The following LRPPRC variants were observed in gnomAD, a reference collection of about 807,000 sequenced individuals.
LRPPRC encodes the protein leucine rich pentatricopeptide repeat containing.
In LRPPRC, 120 loss-of-function variants were observed where a neutral mutation model predicts 180.3. That is an observed-to-expected ratio of 0.67 (90% CI 0.57 to 0.77). LRPPRC has a LOEUF of 0.77. Ranked by LOEUF, LRPPRC falls within the 30% of genes least tolerant of loss-of-function variation. LRPPRC has a pLI of 0.00. For missense variants in LRPPRC, 2,012 were observed against 1,657.2 expected, an observed-to-expected ratio of 1.21 and a Z score of -3.72; for synonymous variants, 723 against 600.0, an observed-to-expected ratio of 1.21 and a Z score of -3.00.
intron 13 of LRPPRC, among the ~76,000 whole-genome samples, chr2:43,959,696 G>A (rs75841075): frequency 0.019 from 2,883 of 152,170 alleles, 50 homozygotes; most frequent in Non-Finnish European, 0.031. Flanking sequence ...CTTGTGGTCA[G>A]GAGTGGTGAA....
At chr2:43,934,562 G>A (rs1027083475) in intron 24 of LRPPRC, among the ~76,000 whole-genome samples, 192 bp downstream of exon 24, 1 of 151,688 alleles carries the variant, frequency 6.6e-6, no homozygotes, top group Non-Finnish European at 1.5e-5. Flanking sequence ...TTTTCAAAAT[G>A]AACAGTTACT....
At position 43,995,785 on chromosome 2, in the gene LRPPRC, G is replaced by A. The variant is rs1454774237; in HGVS notation, c.149+14C>T. The A allele has an allele frequency of 4.4e-6, 6 of 1,377,380 alleles. No homozygotes were observed. The highest frequency in any genetic ancestry group is 3.0e-5 in the East Asian group (1 of 33,560). The allele number at this position is 1,377,380 out of a possible 1,614,324, so 85.3% of individuals were successfully genotyped here. On this transcript the variant is annotated intron_variant, in intron 1 of 37. Coordinates refer to ENST00000260665, the MANE Select transcript of LRPPRC (RefSeq NM_133259.4). ...GCGCCGCAGCTTGCCTGGAGAAAGG[G>A]CCTGGGCACTCACCCGGCCACGGGC...
chr2:43,967,049 G>C (rs1382011232), intron 11 of LRPPRC, among the ~76,000 whole-genome samples: 3 of 151,862 alleles, frequency 2.0e-5, no homozygotes, highest in Non-Finnish European at 4.4e-5. Context: ...TCCATAACTA[G>C]CTGAGGTGAT....
rs1329189715 is a variant in LRPPRC at position 43,887,205 on chromosome 2, C to G, written c.*1395G>C. The G allele has an allele frequency of 6.8e-6, 1 of 147,572 alleles. No individual in the cohort carries two copies. The highest frequency in any genetic ancestry group is 1.5e-5 in the Non-Finnish European group (1 of 67,184). 9.1% of individuals were successfully genotyped at this position (147,572 alleles called of 1,614,324 possible). On this transcript the variant is annotated 3_prime_UTR_variant, in exon 38 of 38. Transcript: ENST00000260665. Reference sequence around the variant, plus strand: ...CCTGTAACATGTGCAGGTCCTGCATCTGGGCAGTGCTCAAGGGAAAGCCGC... The same window carrying G: ...CCTGTAACATGTGCAGGTCCTGCATGTGGGCAGTGCTCAAGGGAAAGCCGC...
rs755010502 is a variant in LRPPRC, at chr2:43,911,520, C to CTTTTTTTTTTTTTTTTTTTTTTTTTTTT, written c.3275+911_3275+912insAAAAAAAAAAAAAAAAAAAAAAAAAAAA. 3.5e-5 allele frequency among the ~76,000 whole-genome samples: 4 copies of CTTTTTTTTTTTTTTTTTTTTTTTTTTTT among 113,486 alleles called. 1 individual carries two copies. Among genetic ancestry groups the CTTTTTTTTTTTTTTTTTTTTTTTTTTTT allele is most frequent in the Non-Finnish European group, 1.7e-5 (1 of 58,576 alleles). 74.5% of individuals were successfully genotyped at this position (113,486 alleles called of 152,430 possible). A position where few individuals can be genotyped will look rare whatever the true frequency, so the allele number is the denominator to read the frequency against. ...TTCCTTTTCTTTTCTTCTTCTTCTTCTTCTTTTTTTTTTTTTTTTTTTTTG... is the reference window on the plus strand; with the variant it reads ...TTCCTTTTCTTTTCTTCTTCTTCTTCTTTTTTTTTTTTTTTTTTTTTTTTTTTTTTCTTTTTTTTTTTTTTTTTTTTTG... On this transcript the variant is annotated intron_variant, in intron 30 of 37. Transcript: ENST00000260665.
rs770605917 is a variant in LRPPRC at position 43,925,904 on chromosome 2, C to T, written c.2794G>A (p.Ala932Thr). Residue 932 changes from alanine (A) to threonine (T), a missense_variant, in exon 26 of 38, where the codon GCA (alanine) becomes ACA (threonine). Transcript: ENST00000260665. ...AATCAAATACAAACCTGATTATTTGCAACACATCTGTCACAAAACCACTGA... is the reference window on the plus strand; with the variant it reads ...AATCAAATACAAACCTGATTATTTGTAACACATCTGTCACAAAACCACTGA... Reference protein sequence around the residue: ...RLQWFCDRCVANNQVETLEKL... With the variant: ...RLQWFCDRCVTNNQVETLEKL... 1.9e-6 allele frequency: 3 copies of T among 1,610,816 alleles called. No homozygotes were observed. Among genetic ancestry groups the T allele is most frequent in the African/African-American group, 2.7e-5 (2 of 74,840 alleles).
chr2:43,935,839 G>A (rs1672255660), intron 23 of LRPPRC, among the ~76,000 whole-genome samples: 1 of 152,214 alleles, frequency 6.6e-6, no homozygotes, highest in Non-Finnish European at 1.5e-5. Context: ...AAGACCAGGT[G>A]CGGTGGCTCA....
intron 25 of LRPPRC, among the ~76,000 whole-genome samples, chr2:43,930,898 G>A (rs1244206398): frequency 6.6e-6 from 1 of 152,072 alleles, no homozygotes; most frequent in Non-Finnish European, 1.5e-5. Flanking sequence ...ACAGAAAAAT[G>A]ACTTCCTTCT....
chr2:43,926,671 G>A (rs151035764), intron 25 of LRPPRC, among the ~76,000 whole-genome samples: 83 of 152,262 alleles, frequency 5.5e-4, no homozygotes, highest in African/African-American at 1.9e-3. Context: ...CTGACTGCAC[G>A]TGCTCTTTCT....
chr2:43,957,287 A>C (rs546732468), intron 14 of LRPPRC, 98 bp downstream of exon 14: 1 of 860,914 alleles, frequency 1.2e-6, no homozygotes, highest in African/African-American at 1.7e-5. Flanking sequence ...GTACACTGAA[A>C]GATAAGAATA....
intron 32 of LRPPRC, among the ~76,000 whole-genome samples, chr2:43,901,015 T>C (rs1023706128): frequency 6.6e-6 from 1 of 152,130 alleles, no homozygotes; most frequent in Non-Finnish European, 1.5e-5. Context: ...AATGAGATCA[T>C]TTTTCACTTC....
chr2:43,947,420 G>T, intron 19 of LRPPRC, 50 bp from the exon 20 acceptor site: 1 of 897,962 alleles, frequency 1.1e-6, no homozygotes, highest in Non-Finnish European at 1.9e-6. Context: ...AGGAAATATA[G>T]TATGCCTTTT....
chr2:43,995,531 C>T (rs1339063190), intron 1 of LRPPRC, among the ~76,000 whole-genome samples: 2 of 152,224 alleles, frequency 1.3e-5, no homozygotes, highest in Non-Finnish European at 2.9e-5. Context: ...CCATGGGTAC[C>T]CCGAGGGCAG....
chr2:43,894,289 C>T (rs190900278), intron 36 of LRPPRC, among the ~76,000 whole-genome samples: 1 of 152,240 alleles, frequency 6.6e-6, no homozygotes, highest in East Asian at 1.9e-4. Context: ...TCAATATACC[C>T]GGACTGCTCG....
At chr2:43,919,076 G>A (rs555980088) in intron 27 of LRPPRC, among the ~76,000 whole-genome samples, 6 of 152,102 alleles carry the variant, frequency 3.9e-5, no homozygotes, top group East Asian at 1.9e-4. Context: ...AGCATTACCC[G>A]CTGAGCTCCA....
At chr2:43,959,456 G>T (rs186553524) in intron 13 of LRPPRC, among the ~76,000 whole-genome samples, 1 of 152,130 alleles carries the variant, frequency 6.6e-6, no homozygotes, top group African/African-American at 2.4e-5. Flanking sequence ...ATTAATGAGA[G>T]CTTAACTGTT....
intron 2 of LRPPRC, among the ~76,000 whole-genome samples, chr2:43,981,238 C>T (rs1261015851): frequency 6.7e-6 from 1 of 148,754 alleles, no homozygotes; most frequent in African/African-American, 2.6e-5. Flanking sequence ...CTTATATGAT[C>T]ATCTTACAGA....
rs369826458 is a variant in LRPPRC at position 43,934,341 on chromosome 2, C to A, written c.2630-45G>T. The A allele has an allele frequency of 1.4e-4, 122 of 883,724 alleles. No homozygotes were observed. In the Middle Eastern group the frequency reaches 1.6e-3, roughly 12 times the overall value. The allele number at this position is 883,724 out of a possible 1,614,324, so 54.7% of individuals were successfully genotyped here. On this transcript the variant is annotated intron_variant, in intron 24 of 37. Transcript: ENST00000260665. ...ATATATATATTAGGAGAAAAAAAAA[C>A]CCAGAAAAACAGTATCATATGAAGT...
At chr2:43,976,961 T>TG in intron 5 of LRPPRC, 33 bp downstream of exon 5, 1 of 1,565,496 alleles carries the variant, frequency 6.4e-7, no homozygotes, top group Non-Finnish European at 8.8e-7. Context: ...TGTACAAATT[T>TG]GTTCGCTTAA....
Sources: gnomAD v4.1 joint callset for allele counts (sites outside exome capture counted in the v4.1 genomes callset) on GRCh38, gnomAD v4.1.1 for gene constraint, MANE v1.5 for transcripts, NCBI Gene and HGNC (gene_info 2026-07-23, HGNC 2026-07-21) for gene names.